The following FOXP1 variants were observed in gnomAD, a reference collection of about 807,000 sequenced individuals.
FOXP1 encodes forkhead box P1, also known as forkhead box protein P1.
FOXP1 carries 15 observed loss-of-function variants against 98.2 expected under a neutral mutation model. The observed-to-expected ratio is 0.15, with a 90% CI of 0.10 to 0.24. FOXP1 has a LOEUF of 0.24. Among genes scored for constraint, FOXP1 ranks in the 10% least tolerant of loss-of-function variants. FOXP1 has a pLI of 1.00. For synonymous variants in FOXP1, 371 were observed against 314.5 expected (o/e 1.18, Z -1.90); for missense variants, 633 against 848.5 (o/e 0.75, Z 3.15).
At chr3:71,539,937 T>C (rs529450996) in intron 2 of FOXP1, among the ~76,000 whole-genome samples, 30 of 152,332 alleles carry the variant, frequency 2.0e-4, no homozygotes, top group African/African-American at 6.7e-4. Flanking sequence ...GTGTCTGTCT[T>C]GCTTATCCTG....
chr3:71,113,803 G>A (rs1042249250), intron 6 of FOXP1, among the ~76,000 whole-genome samples: 2 of 143,842 alleles, frequency 1.4e-5, no homozygotes, highest in Non-Finnish European at 3.1e-5. Flanking sequence ...TCAATAAACC[G>A]CCATGAAGAC....
At chr3:71,482,765 C>T (rs2090376708) in intron 3 of FOXP1, among the ~76,000 whole-genome samples, 1 of 151,772 alleles carries the variant, frequency 6.6e-6, no homozygotes, top group Non-Finnish European at 1.5e-5. Context: ...ACCTTAAATT[C>T]CTCCACTAGT....
At chr3:71,123,414 T>C (rs1188879931) in intron 6 of FOXP1, among the ~76,000 whole-genome samples, 1 of 152,200 alleles carries the variant, frequency 6.6e-6, no homozygotes, top group South Asian at 2.1e-4. Flanking sequence ...ATTGATGTTG[T>C]CCCCATCATA....
At chr3:70,974,454 C>T (rs568810286) in intron 17 of FOXP1, among the ~76,000 whole-genome samples, 3 of 151,996 alleles carry the variant, frequency 2.0e-5, no homozygotes, top group African/African-American at 7.2e-5. Flanking sequence ...TGTGTCACCA[C>T]ACCCAGCTAA....
intron 3 of FOXP1, among the ~76,000 whole-genome samples, chr3:71,389,942 T>C (rs181502403): frequency 6.6e-6 from 1 of 152,000 alleles, no homozygotes; most frequent in Non-Finnish European, 1.5e-5. Context: ...AGTGGAAACC[T>C]TCAGCAGCAG....
At chr3:71,364,101 C>T (rs1026986533) in intron 3 of FOXP1, among the ~76,000 whole-genome samples, 4 of 152,136 alleles carry the variant, frequency 2.6e-5, no homozygotes, top group East Asian at 1.9e-4. Flanking sequence ...ACTACAGGCG[C>T]GTGCCATCAC....
intron 8 of FOXP1, among the ~76,000 whole-genome samples, chr3:71,052,904 G>A (rs767503594): frequency 1.4e-4 from 21 of 152,154 alleles, no homozygotes; most frequent in Non-Finnish European, 2.9e-4. Context: ...GTACAACAAA[G>A]CTGAAATGCC....
intron 6 of FOXP1, among the ~76,000 whole-genome samples, chr3:71,174,312 C>G (rs915885820): frequency 6.6e-6 from 1 of 152,120 alleles, no homozygotes. Flanking sequence ...GCGGCATGCA[C>G]CTGTAGTCCC....
At chr3:71,421,040 C>T (rs1247691850) in intron 3 of FOXP1, among the ~76,000 whole-genome samples, 2 of 152,130 alleles carry the variant, frequency 1.3e-5, no homozygotes, top group East Asian at 3.9e-4. Context: ...GCCACAAAGC[C>T]TCACCCTAGG....
At chr3:71,183,372 G>A (rs1191117795) in intron 6 of FOXP1, among the ~76,000 whole-genome samples, 2 of 152,118 alleles carry the variant, frequency 1.3e-5, no homozygotes. Flanking sequence ...AGTGGCGCGA[G>A]CCTGCAATCC....
chr3:71,478,970 T>C (rs1236306654), intron 3 of FOXP1, among the ~76,000 whole-genome samples: 1 of 152,168 alleles, frequency 6.6e-6, no homozygotes, highest in South Asian at 2.1e-4. Context: ...GAAAATGAAG[T>C]ACACCATCCC....
At chr3:71,534,133 G>C (rs2044091689) in intron 2 of FOXP1, among the ~76,000 whole-genome samples, 1 of 152,218 alleles carries the variant, frequency 6.6e-6, no homozygotes, top group African/African-American at 2.4e-5. Context: ...GGAGGCCAAG[G>C]CAGGCGGATG....
intron 2 of FOXP1, among the ~76,000 whole-genome samples, chr3:71,517,964 T>C (rs996361369): frequency 6.6e-6 from 1 of 152,192 alleles, no homozygotes; most frequent in African/African-American, 2.4e-5. Context: ...CTGGATGCTA[T>C]CTCAAATGTT....
intron 5 of FOXP1, among the ~76,000 whole-genome samples, chr3:71,250,970 G>T (rs933692046): frequency 6.6e-6 from 1 of 152,070 alleles, no homozygotes; most frequent in Non-Finnish European, 1.5e-5. Flanking sequence ...TTTTGGTAAT[G>T]ACTTTTTTAA....
At chr3:71,019,557 C>T (rs774614349) in intron 11 of FOXP1, among the ~76,000 whole-genome samples, 58 of 152,060 alleles carry the variant, frequency 3.8e-4, no homozygotes, top group Non-Finnish European at 7.9e-4. Context: ...AGTTCGGGGG[C>T]GGTGGCTCAC....
intron 14 of FOXP1, among the ~76,000 whole-genome samples, chr3:70,987,519 T>C (rs1218514974): frequency 6.6e-6 from 1 of 152,212 alleles, no homozygotes; most frequent in Non-Finnish European, 1.5e-5. Context: ...CAACACTAGG[T>C]TTCCTATGTC....
chr3:70,955,513 C>A lies in FOXP1; in HGVS notation c.*3734G>T. 1 of 231,594 alleles carries A rather than the reference C, an allele frequency of 4.3e-6. No homozygotes were observed. Among genetic ancestry groups the A allele is most frequent in the African/African-American group, 2.2e-5 (1 of 45,014 alleles). The allele number at this position is 231,594 out of a possible 1,614,324, so 14.3% of individuals were successfully genotyped here. On this transcript the variant is annotated 3_prime_UTR_variant, in exon 21 of 21. Coordinates refer to ENST00000649528, the MANE Select transcript of FOXP1 (RefSeq NM_001349338.3). ...CACGGGACTACCTCCCTAATGTATG[C>A]TTTTCTTTGAGAAAAAAAAAGTAAC...
At chr3:71,101,846 C>G (rs191285355) in intron 7 of FOXP1, among the ~76,000 whole-genome samples, 1 of 152,222 alleles carries the variant, frequency 6.6e-6, no homozygotes, top group East Asian at 1.9e-4. Flanking sequence ...CACCGCTAAA[C>G]GTTGAGCTCT....
rs184392957 is a variant in FOXP1, at chr3:70,989,096, A to C, written c.1063-1019T>G. On this transcript the variant is annotated intron_variant, in intron 13 of 20. Coordinates refer to ENST00000649528, the MANE Select transcript of FOXP1 (RefSeq NM_001349338.3). The stretch of plus-strand genomic sequence containing the variant: ...ATTAACCTTAAATCCTTTAAAAATA[A>C]AGTTTTTTAAAGTCAAATTATTCCC... 1.4e-3 allele frequency among the ~76,000 whole-genome samples: 214 copies of C among 152,342 alleles called. 1 individual carries two copies. Among genetic ancestry groups the C allele is most frequent in the Non-Finnish European group, 1.7e-3 (117 of 68,028 alleles).
Sources: allele counts gnomAD v4.1 joint callset (sites outside exome capture counted in the v4.1 genomes callset), GRCh38; gene constraint gnomAD v4.1.1; transcripts MANE v1.5; gene names NCBI Gene and HGNC (gene_info 2026-07-23, HGNC 2026-07-21).